The following HRH1 variants were observed in gnomAD, a reference collection of about 807,000 sequenced individuals.
HRH1 encodes histamine receptor H1, also known as histamine H1 receptor.
Under a neutral mutation model 10.3 loss-of-function variants are expected in HRH1, and 6 were observed. The observed-to-expected ratio is 0.58, with a 90% CI of 0.32 to 1.15. The LOEUF (loss-of-function observed/expected upper bound fraction) is 1.15, where lower values mean the gene tolerates loss of function less well. Ranked by LOEUF, HRH1 falls within the 50% of genes most tolerant of loss-of-function variation. The pLI is 0.05. For synonymous variants in HRH1, 242 were observed against 236.7 expected (o/e 1.02, Z -0.21); for missense variants, 514 against 615.3 (o/e 0.84, Z 1.74).
At chr3:11,139,571 T>C (rs2124990647) in intron 1 of HRH1, among the ~76,000 whole-genome samples, 1 of 152,268 alleles carries the variant, frequency 6.6e-6, no homozygotes, top group Admixed American at 6.5e-5. Context: ...TGAGCCACCG[T>C]GACCCGCCTG....
intron 1 of HRH1, among the ~76,000 whole-genome samples, chr3:11,147,761 T>G (rs1361771065): frequency 6.6e-6 from 1 of 152,216 alleles, no homozygotes; most frequent in Non-Finnish European, 1.5e-5. Flanking sequence ...GAGAAATTGA[T>G]GTGTAGAGTG....
intron 1 of HRH1, among the ~76,000 whole-genome samples, chr3:11,235,211 T>C (rs1365889956): frequency 1.4e-5 from 2 of 147,724 alleles, no homozygotes; most frequent in Admixed American, 6.7e-5. Context: ...TGAGACTCCA[T>C]CTCAAAAAAA....
At chr3:11,230,081 A>G (rs1939000074) in intron 1 of HRH1, among the ~76,000 whole-genome samples, 1 of 152,132 alleles carries the variant, frequency 6.6e-6, no homozygotes, top group Admixed American at 6.5e-5. Flanking sequence ...CCAAAGGATG[A>G]ACAAAAGGAG....
intron 1 of HRH1, among the ~76,000 whole-genome samples, chr3:11,192,760 C>T (rs1937570614): frequency 6.6e-6 from 1 of 152,150 alleles, no homozygotes; most frequent in Admixed American, 6.5e-5. Flanking sequence ...TGAGTCAGGT[C>T]TCCAAGTATC....
intron 1 of HRH1, among the ~76,000 whole-genome samples, chr3:11,204,510 A>C (rs1938044769): frequency 6.6e-6 from 1 of 152,106 alleles, no homozygotes; most frequent in Non-Finnish European, 1.5e-5. Flanking sequence ...AGAAGTGTGT[A>C]TGGCCAGAGC....
chr3:11,196,838 G>A (rs1052166451), intron 1 of HRH1, among the ~76,000 whole-genome samples: 2 of 151,736 alleles, frequency 1.3e-5, no homozygotes, highest in African/African-American at 2.4e-5. Context: ...GTCCGGGCAC[G>A]GTAGCTCACG....
chr3:11,246,595 T>C (rs1327791833), intron 1 of HRH1, among the ~76,000 whole-genome samples: 1 of 152,258 alleles, frequency 6.6e-6, no homozygotes, highest in Non-Finnish European at 1.5e-5. Flanking sequence ...CCATTCAAGC[T>C]ATTTTTTTAT....
chr3:11,141,139 A>G (rs1936285447), intron 1 of HRH1, among the ~76,000 whole-genome samples: 1 of 152,154 alleles, frequency 6.6e-6, no homozygotes, highest in Non-Finnish European at 1.5e-5. Flanking sequence ...TGTCTCTCAG[A>G]TCTGACCATA....
At chr3:11,174,485 G>C (rs937073432) in intron 1 of HRH1, among the ~76,000 whole-genome samples, 6 of 152,170 alleles carry the variant, frequency 3.9e-5, no homozygotes, top group African/African-American at 1.2e-4. Context: ...AGGGACCCAG[G>C]GGGCAGGAGA....
chr3:11,152,865 G>A (rs1936675506), upstream of HRH1, among the ~76,000 whole-genome samples: 2 of 151,946 alleles, frequency 1.3e-5, no homozygotes, highest in East Asian at 1.9e-4. Context: ...TGTGCAGAGG[G>A]CTGGCCAGAA....
chr3:11,209,457 C>G lies in HRH1; in HGVS notation c.-35-49546C>G, dbSNP rs1035822772. On this transcript the variant is annotated intron_variant, in intron 1 of 1. Coordinates refer to ENST00000431010, the MANE Select transcript of HRH1 (RefSeq NM_001098212.2). ...GAGATTCTTGACTCTTTTCTTTGTA[C>G]CTTTAGTTTGATAATAAAACTACTT... Among the ~76,000 whole-genome samples the G allele has an allele frequency of 4.3e-4, 65 of 152,036 alleles. 2 individuals carry two copies. Among genetic ancestry groups the G allele is most frequent in the Non-Finnish European group, 1.2e-4 (8 of 68,016 alleles).
At chr3:11,187,554 A>G (rs1937470487) in intron 1 of HRH1, among the ~76,000 whole-genome samples, 1 of 152,220 alleles carries the variant, frequency 6.6e-6, no homozygotes, top group South Asian at 2.1e-4. Context: ...GGAAGGTCAG[A>G]AGAGATAACT....
chr3:11,221,268 C>T (rs185957705), intron 1 of HRH1, among the ~76,000 whole-genome samples: 9 of 152,100 alleles, frequency 5.9e-5, no homozygotes, highest in South Asian at 2.1e-4. Context: ...ATCTGTAACA[C>T]GGGGCCAGGT....
intron 1 of HRH1, among the ~76,000 whole-genome samples, chr3:11,240,837 T>G (rs1466499512): frequency 1.3e-5 from 2 of 152,204 alleles, no homozygotes; most frequent in Non-Finnish European, 2.9e-5. Context: ...ATGACACCTC[T>G]TTCTCAGAAT....
intron 1 of HRH1, among the ~76,000 whole-genome samples, chr3:11,218,429 C>T (rs1393535705): frequency 7.9e-6 from 1 of 126,634 alleles, no homozygotes; most frequent in East Asian, 2.3e-4. Flanking sequence ...ACCTAGGCAA[C>T]AGAGTGAGAC....
chr3:11,144,475 A>ATATATACATACGTCTATAGG (rs1936381595), intron 1 of HRH1, among the ~76,000 whole-genome samples: 1 of 59,132 alleles, frequency 1.7e-5, no homozygotes, highest in African/African-American at 5.3e-5. Context: ...ACATATAGAC[A>ATATATACATACGTCTATAGG]TATATATACA....
chr3:11,260,383 T>C lies in HRH1; in HGVS notation c.1346T>C (p.Leu449Ser), dbSNP rs2067470. The change falls in exon 2 of 2, where the codon TTG (leucine) becomes TCG (serine). Residue 449 changes from leucine to serine, a missense_variant. Physicochemically the swap from Leu to Ser is moderately radical, Grantham distance 145. Transcript: ENST00000431010. ...TGCAAGAACTGTTGCAATGAACATTTGCACATGTTCACCATCTGGCTGGGC... is the reference window on the plus strand; with the variant it reads ...TGCAAGAACTGTTGCAATGAACATTCGCACATGTTCACCATCTGGCTGGGC... ...AFCKNCCNEH[L>S]HMFTIWLGYI... 1.2e-6 allele frequency: 2 copies of C among 1,614,234 alleles called. No individual in the cohort carries two copies. The highest frequency in any genetic ancestry group is 8.5e-7 in the Non-Finnish European group (1 of 1,180,046).
chr3:11,242,238 T>C (rs1939364883), intron 1 of HRH1, among the ~76,000 whole-genome samples: 2 of 152,086 alleles, frequency 1.3e-5, no homozygotes, highest in Non-Finnish European at 1.5e-5. Context: ...TCCCAGCACT[T>C]TGGGAGGCCA....
At chr3:11,234,519 A>G (rs1205058398) in intron 1 of HRH1, 9 of 1,432,054 alleles carry the variant, frequency 6.3e-6, no homozygotes, top group South Asian at 1.1e-5. Flanking sequence ...CCCCCAAGGC[A>G]TGGACGGTTC....
Sources: gnomAD v4.1 joint callset for allele counts (sites outside exome capture counted in the v4.1 genomes callset) on GRCh38, gnomAD v4.1.1 for gene constraint, MANE v1.5 for transcripts, NCBI Gene and HGNC (gene_info 2026-07-23, HGNC 2026-07-21) for gene names.